Variants in GAS5 observed in about 807,000 individuals in gnomAD.
GAS5 encodes growth arrest specific 5 (non-protein coding).
upstream of GAS5, chr1:173,868,024 TC>T: frequency 1.1e-5 from 2 of 186,946 alleles, no homozygotes; most frequent in Non-Finnish European, 2.3e-5. Context: ...ATATAAGAGT[TC>T]TTTTGATGAC....
chr1:173,866,803 A>G (rs1654758130), intron 1 of GAS5: 1 of 765,230 alleles, frequency 1.3e-6, no homozygotes, highest in Non-Finnish European at 2.4e-6. Context: ...ACAACTAGAA[A>G]ACAAAAAGAT....
At chr1:173,868,016 A>G (rs534725244), upstream of GAS5, 4 of 213,434 alleles carry the variant, frequency 1.9e-5, no homozygotes, top group African/African-American at 6.9e-5. Context: ...GCTCCTGTAT[A>G]TAAGAGTTCT....
chr1:173,867,831 CCATCCTCAACTTGTAGGCCCTG>C (rs1241799430), upstream of GAS5: 1 of 505,982 alleles, frequency 2.0e-6, no homozygotes, highest in Non-Finnish European at 4.0e-6. Flanking sequence ...CAATCCCCCA[CCATCCTCAACTTGTAGGCCCTG>C]CAAAGGCGCG....
upstream of GAS5, chr1:173,867,786 T>C (rs773689551): frequency 1.7e-5 from 9 of 518,912 alleles, no homozygotes; most frequent in Non-Finnish European, 3.1e-5. Flanking sequence ...TACTCTAACA[T>C]AGTCGCAGCT....
chr1:173,867,150 CAT>C (rs1283558815), upstream of GAS5: 7 of 591,182 alleles, frequency 1.2e-5, no homozygotes, highest in Non-Finnish European at 1.8e-5. Flanking sequence ...ATGCAGGTAA[CAT>C]ACCATTCATT....
intron 6 of GAS5, chr1:173,865,258 G>C (rs2102679201): frequency 2.6e-6 from 1 of 383,564 alleles, no homozygotes; most frequent in East Asian, 7.1e-5. Flanking sequence ...GCTCCACACA[G>C]TGTAGTCAAG....
chr1:173,865,646 A>G (rs754333723), intron 5 of GAS5: 4 of 519,262 alleles, frequency 7.7e-6, no homozygotes, highest in Non-Finnish European at 1.5e-5. Context: ...CTTTGTCTAC[A>G]TGCTCATTTC....
At chr1:173,865,180 G>C (rs2102678753) in intron 6 of GAS5, 1 of 336,066 alleles carries the variant, frequency 3.0e-6, no homozygotes, top group East Asian at 8.0e-5. Context: ...CTGGGCAAGA[G>C]CTAGACTCTT....
chr1:173,865,966 T>C, intron 4 of GAS5: 1 of 519,232 alleles, frequency 1.9e-6, no homozygotes, highest in South Asian at 1.4e-5. Context: ...ACAAATGCCT[T>C]TAGTCAGTTA....
upstream of GAS5, chr1:173,867,956 A>G (rs976765708): frequency 2.8e-6 from 1 of 355,496 alleles, no homozygotes; most frequent in East Asian, 7.4e-5. Context: ...AAGATAAAAC[A>G]TACCTCACAG....
intron 6 of GAS5, chr1:173,864,992 G>C (rs1654336088): frequency 2.1e-6 from 1 of 486,062 alleles, no homozygotes; most frequent in African/African-American, 2.0e-5. Context: ...GTCAGTGCGG[G>C]CAGTATCACT....
intron 3 of GAS5, chr1:173,866,336 TA>T (rs1414895753): frequency 1.9e-6 from 1 of 522,464 alleles, no homozygotes; most frequent in East Asian, 5.4e-5. Context: ...TCTTCATGAT[TA>T]AATCTGCTGA....
exon 3 of GAS5, chr1:173,866,531 T>C: frequency 1.4e-6 from 1 of 721,694 alleles, no homozygotes; most frequent in Admixed American, 1.9e-5. Context: ...GTCTCACCTG[T>C]GTGCCAATGG....
intron 7 of GAS5, chr1:173,863,941 ATCT>A (rs1356003413): frequency 1.1e-5 from 3 of 277,208 alleles, no homozygotes; most frequent in South Asian, 3.6e-5. Flanking sequence ...CACTGTTTTA[ATCT>A]TCTTGTGCCA....
At chr1:173,866,820 A>C in intron 1 of GAS5, 1 of 765,032 alleles carries the variant, frequency 1.3e-6, no homozygotes, top group Admixed American at 1.7e-5. Context: ...AGATGCAAGC[A>C]AAACAGTGAG....
chr1:173,866,076 CATTT>C (rs763382313), intron 4 of GAS5: 1 of 518,820 alleles, frequency 1.9e-6, no homozygotes, highest in Admixed American at 1.9e-5. Flanking sequence ...AAGAATCCGC[CATTT>C]ATTTAATGCA....
chr1:173,867,573 G>A (rs1654963400), upstream of GAS5: 3 of 502,560 alleles, frequency 6.0e-6, no homozygotes, highest in Admixed American at 4.1e-5. Flanking sequence ...AGGCACTTAA[G>A]CACGTGGACT....
intron 5 of GAS5, chr1:173,865,602 C>T (rs1296561919): frequency 1.9e-6 from 1 of 519,178 alleles, no homozygotes; most frequent in Admixed American, 1.9e-5. Context: ...AAACTCTTTT[C>T]AAAGTTGTCT....
At chr1:173,864,745 C>G (rs941011090) in intron 6 of GAS5, 1 of 507,454 alleles carries the variant, frequency 2.0e-6, no homozygotes, top group East Asian at 5.5e-5. Flanking sequence ...AACTTGCATA[C>G]AATTAGGAGT....
Sources: allele counts gnomAD v4.1 joint callset, GRCh38; gene constraint gnomAD v4.1.1; transcripts MANE v1.5; gene names NCBI Gene and HGNC (gene_info 2026-07-23, HGNC 2026-07-21).